The following LDLRAD1 variants were observed in gnomAD, a reference collection of about 807,000 sequenced individuals.
LDLRAD1 encodes low density lipoprotein receptor class A domain containing 1, also known as low-density lipoprotein receptor class A domain-containing protein 1.
Under a neutral mutation model 24.8 loss-of-function variants are expected in LDLRAD1, and 17 were observed. The observed-to-expected ratio is 0.69, with a 90% CI of 0.47 to 1.03. The LOEUF (loss-of-function observed/expected upper bound fraction) is 1.03. Ranked by LOEUF, LDLRAD1 falls within the 50% of genes least tolerant of loss-of-function variation. LDLRAD1 has a pLI of 0.00. For missense variants in LDLRAD1, 277 were observed against 271.0 expected, an observed-to-expected ratio of 1.02 and a Z score of -0.16; for synonymous variants, 103 against 108.2, an observed-to-expected ratio of 0.95 and a Z score of 0.30.
intron 5 of LDLRAD1, 34 bp downstream of exon 5, chr1:54,010,248 C>G (rs1468943858): frequency 1.9e-6 from 3 of 1,611,336 alleles, no homozygotes; most frequent in Admixed American, 3.3e-5. Context: ...TGCCTGGACA[C>G]CAGCCCCAGC....
chr1:54,010,527 C>A, intron 4 of LDLRAD1, 117 bp from the exon 5 acceptor site: 1 of 1,023,846 alleles, frequency 9.8e-7, no homozygotes, highest in Non-Finnish European at 1.4e-6. Context: ...AGTGCCCATC[C>A]AGCCCAGAAG....
intron 2 of LDLRAD1, among the ~76,000 whole-genome samples, chr1:54,017,019 C>T (rs1656336437): frequency 1.3e-5 from 2 of 152,224 alleles, no homozygotes; most frequent in Non-Finnish European, 2.9e-5. Flanking sequence ...ATAAATGTGT[C>T]ACTTTATCCA....
At chr1:54,017,451 G>A in intron 1 of LDLRAD1, 24 bp from the exon 2 acceptor site, 1 of 1,582,156 alleles carries the variant, frequency 6.3e-7, no homozygotes, top group Non-Finnish European at 8.6e-7. Context: ...CAGAGTGAGG[G>A]GTGGGCTTAG....
Position 54,017,389 on chromosome 1 carries a change from G to A in LDLRAD1, c.60C>T (p.His20=), listed in dbSNP as rs374189887. ...NGYTAAESKA[H]PGGEAGGGHL... ...CCAGTTCTTTACCTTCCCCTCCAGG[G>A]TGGGCTTTGGATTCAGCAGCAGTGT... The change falls in exon 2 of 6, where the codon CAC becomes CAT. Residue 20 remains histidine (H), a synonymous_variant. Coordinates refer to ENST00000371360, the MANE Select transcript of LDLRAD1 (RefSeq NM_001010978.4). 6 of 1,603,174 alleles carry A rather than the reference G, an allele frequency of 3.7e-6. No individual in the cohort carries two copies. In the African/African-American group the frequency reaches 8.0e-5, roughly 21 times the overall value.
chr1:54,015,206 G>A (rs950734184), intron 2 of LDLRAD1, among the ~76,000 whole-genome samples: 2 of 152,064 alleles, frequency 1.3e-5, no homozygotes, highest in Admixed American at 1.3e-4. Flanking sequence ...CTAGGCTCAA[G>A]CAGTCCTCCT....
rs1655892990 is a variant in LDLRAD1 at position 54,008,196 on chromosome 1, C to G, written c.*786G>C. ...AGCTCAGAGCTTCCTGGGGTGGCTT[C>G]CCACTGGTAGGATGCCAGATATCCT... On this transcript the variant is annotated 3_prime_UTR_variant, in exon 6 of 6. Coordinates refer to ENST00000371360, the MANE Select transcript of LDLRAD1 (RefSeq NM_001010978.4). The G allele has an allele frequency of 6.6e-6, 1 of 152,206 alleles. No homozygotes were observed. Among genetic ancestry groups the G allele is most frequent in the South Asian group, 2.1e-4 (1 of 4,830 alleles). 9.4% of individuals were successfully genotyped at this position (152,206 alleles called of 1,614,324 possible).
chr1:54,014,445 C>A, intron 2 of LDLRAD1, 81 bp from the exon 3 acceptor site: 1 of 1,344,162 alleles, frequency 7.4e-7, no homozygotes, highest in Non-Finnish European at 1.0e-6. Flanking sequence ...CTCCGCCCTG[C>A]CCGCTGCAAG....
At chr1:54,012,683 G>T (rs1338169076) in intron 3 of LDLRAD1, among the ~76,000 whole-genome samples, 2 of 152,176 alleles carry the variant, frequency 1.3e-5, no homozygotes, top group Non-Finnish European at 2.9e-5. Flanking sequence ...TGGTTTTAAT[G>T]GTGGAGCTCC....
At chr1:54,014,878 T>C (rs1656235562) in intron 2 of LDLRAD1, among the ~76,000 whole-genome samples, 1 of 152,200 alleles carries the variant, frequency 6.6e-6, no homozygotes. Context: ...CCCAATTGAC[T>C]GTCCATTCTG....
At chr1:54,013,061 C>T (rs538296435) in intron 3 of LDLRAD1, among the ~76,000 whole-genome samples, 7 of 152,048 alleles carry the variant, frequency 4.6e-5, no homozygotes, top group African/African-American at 1.4e-4. Flanking sequence ...GTGGGGGAGG[C>T]GGCGGGGGGG....
chr1:54,011,758 CAG>C (rs1656060664), intron 4 of LDLRAD1, among the ~76,000 whole-genome samples: 2 of 152,160 alleles, frequency 1.3e-5, no homozygotes, highest in Non-Finnish European at 2.9e-5. Flanking sequence ...ATGGGGGTGG[CAG>C]ATGTGCCAAT....
chr1:54,016,349 C>G (rs927192961), intron 2 of LDLRAD1, among the ~76,000 whole-genome samples: 1 of 152,136 alleles, frequency 6.6e-6, no homozygotes, highest in Non-Finnish European at 1.5e-5. Context: ...AGGGAGGCAG[C>G]GTGACTCTGG....
At chr1:54,014,409 C>G in intron 2 of LDLRAD1, 45 bp from the exon 3 acceptor site, 1 of 1,520,792 alleles carries the variant, frequency 6.6e-7, no homozygotes, top group Non-Finnish European at 8.9e-7. Context: ...TGATAGGGGG[C>G]CAGCGCTAGG....
At chr1:54,012,116 G>GA in intron 4 of LDLRAD1, 27 bp downstream of exon 4, 1 of 1,611,366 alleles carries the variant, frequency 6.2e-7, no homozygotes. Flanking sequence ...GAACCCCTGG[G>GA]AGGGGCAGCA....
rs1035637920 is a variant in LDLRAD1, at chr1:54,008,162, C to G, written c.*820G>C. Reference sequence around the variant, plus strand: ...TCAAGCTGCTCTTTCTCCAGATCTTCTATTCTACAGCTCAGAGCTTCCTGG... The same window carrying G: ...TCAAGCTGCTCTTTCTCCAGATCTTGTATTCTACAGCTCAGAGCTTCCTGG... On this transcript the variant is annotated 3_prime_UTR_variant, in exon 6 of 6. Transcript: ENST00000371360. 2 of 152,232 alleles carry G rather than the reference C, an allele frequency of 1.3e-5. No homozygotes were observed. Among genetic ancestry groups the G allele is most frequent in the Admixed American group, 1.3e-4 (2 of 15,282 alleles). The allele number at this position is 152,232 out of a possible 1,614,324, so 9.4% of individuals were successfully genotyped here.
intron 4 of LDLRAD1, among the ~76,000 whole-genome samples, chr1:54,011,530 C>G (rs531000962): frequency 6.6e-6 from 1 of 152,260 alleles, no homozygotes; most frequent in South Asian, 2.1e-4. Context: ...TGAGCTCCCC[C>G]ACCCCACCCA....
intron 3 of LDLRAD1, among the ~76,000 whole-genome samples, chr1:54,013,725 G>A (rs934020370): frequency 2.0e-5 from 3 of 152,184 alleles, no homozygotes; most frequent in Non-Finnish European, 4.4e-5. Context: ...AGGGCTCCCA[G>A]GGACCCCGCT....
At chr1:54,010,466 G>A (rs2100245235) in intron 4 of LDLRAD1, 56 bp from the exon 5 acceptor site, 1 of 1,596,120 alleles carries the variant, frequency 6.3e-7, no homozygotes, top group Non-Finnish European at 8.6e-7. Context: ...AGCTGTCTGA[G>A]GGTTATCGGG....
intron 2 of LDLRAD1, among the ~76,000 whole-genome samples, chr1:54,014,933 T>C (rs1405572391): frequency 6.6e-6 from 1 of 152,150 alleles, no homozygotes; most frequent in Non-Finnish European, 1.5e-5. Flanking sequence ...TACCGCATCC[T>C]ACCTGGGCCA....
Sources: gnomAD v4.1 joint callset for allele counts (sites outside exome capture counted in the v4.1 genomes callset) on GRCh38, gnomAD v4.1.1 for gene constraint, MANE v1.5 for transcripts, NCBI Gene and HGNC (gene_info 2026-07-23, HGNC 2026-07-21) for gene names.